Variants in AFDN observed in about 807,000 individuals in gnomAD.
The protein encoded by AFDN is afadin.
A neutral mutation model predicts 216.6 loss-of-function variants in AFDN; 68 were observed. The observed-to-expected ratio is 0.31, with a 90% CI of 0.26 to 0.38. The LOEUF (loss-of-function observed/expected upper bound fraction) is 0.38. AFDN is among the 10% of genes least tolerant of loss of function. The pLI is 1.00. For missense variants in AFDN, 2,136 were observed against 2,342.0 expected (o/e 0.91, Z 1.82); for synonymous variants, 868 against 853.7 (o/e 1.02, Z -0.29).
chr6:167,903,082 A>T (rs900137839), intron 12 of AFDN, among the ~76,000 whole-genome samples: 1 of 152,182 alleles, frequency 6.6e-6, no homozygotes, highest in African/African-American at 2.4e-5. Context: ...TCATCAGTTA[A>T]CTTCTCAGAC....
intron 1 of AFDN, among the ~76,000 whole-genome samples, chr6:167,863,397 A>G (rs1020256546): frequency 1.3e-5 from 2 of 152,206 alleles, no homozygotes; most frequent in African/African-American, 2.4e-5. Flanking sequence ...ATTGGGGAAA[A>G]TTAAAGAAAG....
intron 23 of AFDN, among the ~76,000 whole-genome samples, chr6:167,927,778 A>G (rs1281449762): frequency 6.6e-6 from 1 of 152,176 alleles, no homozygotes; most frequent in Non-Finnish European, 1.5e-5. Flanking sequence ...TCCTGCTCAC[A>G]GGCCATGTTT....
rs747111541 is a variant in AFDN, at chr6:167,969,875, C to T, written c.5436C>T (p.Ser1812=). The T allele has an allele frequency of 5.0e-6, 8 of 1,612,032 alleles. No homozygotes were observed. The highest frequency in any genetic ancestry group is 2.7e-5 in the African/African-American group (2 of 74,822). ...TTTTTTCACAAGGTCAAGATGTATC[C>T]AATAAAGTGAAAGCTTCTCGTAAAT... The part of the protein sequence containing the change: ...QRLFSQGQDV[S]NKVKASRKLT... The change falls in exon 34 of 34, where the codon TCC becomes TCT. Residue 1812 remains serine (S), a synonymous_variant. Transcript: ENST00000683244.
At chr6:167,834,466 T>TTG (rs2128098908) in intron 1 of AFDN, among the ~76,000 whole-genome samples, 1 of 144,830 alleles carries the variant, frequency 6.9e-6, no homozygotes, top group East Asian at 2.0e-4. Flanking sequence ...GGTTTTTTTT[T>TTG]TTTTTTTTTT....
In AFDN at chr6:167,883,396, A is replaced by G. The variant is rs147174844; in HGVS notation, c.897+2879A>G. On this transcript the variant is annotated intron_variant, in intron 6 of 33. Coordinates refer to ENST00000683244, the MANE Select transcript of AFDN (RefSeq NM_001386888.1). ...TTTTTGCAGTATTCTGTGCATAGCA[A>G]TAAAAAAGCAGACAACAAGCCCAGC... 3.3e-3 allele frequency among the ~76,000 whole-genome samples: 506 copies of G among 152,348 alleles called. 7 individuals are homozygous for G. Among genetic ancestry groups the G allele is most frequent in the African/African-American group, 0.011 (461 of 41,588 alleles).
chr6:167,968,873 C>T, intron 32 of AFDN: 1 of 462,398 alleles, frequency 2.2e-6, no homozygotes, highest in East Asian at 4.0e-5. Context: ...ATTCCTCCCT[C>T]ATAGTGAAGG....
chr6:167,915,626 A>T (rs1271437713), intron 19 of AFDN, among the ~76,000 whole-genome samples, 193 bp downstream of exon 19: 4 of 152,252 alleles, frequency 2.6e-5, no homozygotes, highest in African/African-American at 9.6e-5. Flanking sequence ...TTTTCACTGT[A>T]TTAATTGTAT....
At chr6:167,969,313 C>T in intron 33 of AFDN, 115 bp downstream of exon 33, 1 of 792,358 alleles carries the variant, frequency 1.3e-6, no homozygotes, top group Admixed American at 2.2e-5. Flanking sequence ...TGTGACCTCA[C>T]CTGGATTGTA....
At chr6:167,835,640 A>G (rs1420405304) in intron 1 of AFDN, among the ~76,000 whole-genome samples, 1 of 152,234 alleles carries the variant, frequency 6.6e-6, no homozygotes, top group Non-Finnish European at 1.5e-5. Context: ...TACGTTTTGT[A>G]TATAGTGCAT....
intron 30 of AFDN, among the ~76,000 whole-genome samples, chr6:167,956,463 A>G (rs140260347): frequency 1.4e-4 from 22 of 152,148 alleles, no homozygotes; most frequent in African/African-American, 5.3e-4. Flanking sequence ...TACCTTCTCC[A>G]TCCTCTGTGC....
intron 30 of AFDN, among the ~76,000 whole-genome samples, chr6:167,953,059 A>C (rs962091872): frequency 1.3e-5 from 2 of 152,228 alleles, no homozygotes; most frequent in African/African-American, 4.8e-5. Flanking sequence ...TAATTTGGGC[A>C]TTTATTAATA....
intron 13 of AFDN, 52 bp from the exon 14 acceptor site, chr6:167,911,049 T>C (rs1790316504): frequency 6.8e-7 from 1 of 1,460,334 alleles, no homozygotes; most frequent in Admixed American, 1.9e-5. Context: ...TTGTCAGTAA[T>C]ATTGTTAGCC....
intron 27 of AFDN, among the ~76,000 whole-genome samples, chr6:167,947,388 C>A (rs1333267147): frequency 6.6e-6 from 1 of 152,216 alleles, no homozygotes; most frequent in East Asian, 1.9e-4. Flanking sequence ...ACCATGTTAG[C>A]CAGGATGGTC....
At chr6:167,829,950 A>G (rs1425833095) in intron 1 of AFDN, among the ~76,000 whole-genome samples, 1 of 152,168 alleles carries the variant, frequency 6.6e-6, no homozygotes. Context: ...GCAGGCTATC[A>G]CTGGAGTATT....
intron 1 of AFDN, among the ~76,000 whole-genome samples, chr6:167,836,337 G>A (rs1442577288): frequency 2.0e-5 from 3 of 152,114 alleles, no homozygotes; most frequent in Non-Finnish European, 2.9e-5. Context: ...TTCAGTCTCC[G>A]TCTCCCAAAT....
Position 167,944,150 on chromosome 6 carries a change from A to C in AFDN, c.3358+91A>C, listed in dbSNP as rs1056784247. The C allele has an allele frequency of 3.1e-6, 3 of 968,038 alleles. No individual in the cohort carries two copies. In the Admixed American group the frequency reaches 6.1e-5, roughly 20 times the overall value. 60.0% of individuals were successfully genotyped at this position (968,038 alleles called of 1,614,324 possible). On this transcript the variant is annotated intron_variant, in intron 26 of 33. Coordinates refer to ENST00000683244, the MANE Select transcript of AFDN (RefSeq NM_001386888.1). ...CCATGGAGGAGGTACTGGTGTTACT[A>C]TCGCCCCAGTTTTAAAGAGAAAGAA...
At position 167,925,063 on chromosome 6, in the gene AFDN, G is replaced by T; in HGVS notation, c.3071G>T (p.Gly1024Val). 6.2e-7 allele frequency: 1 copy of T among 1,613,896 alleles called. No individual in the cohort carries two copies. Residue 1024 changes from glycine (G) to valine (V), a missense_variant, in exon 23 of 34, where the codon GGA (glycine) becomes GTA (valine). Gly to Val is a moderately radical substitution (Grantham distance 109). Coordinates refer to ENST00000683244, the MANE Select transcript of AFDN (RefSeq NM_001386888.1). ...IITVTLKKQN[G>V]MGLSIVAAKG... is the part of the protein sequence containing the mutation. ...ACTGTGACCCTAAAAAAGCAGAATG[G>T]AATGGGCCTTAGCATTGTTGCAGCA... is the stretch of plus-strand genomic sequence containing the variant.
intron 22 of AFDN, 132 bp downstream of exon 22, chr6:167,923,091 T>C (rs1009928578): frequency 3.4e-5 from 20 of 590,228 alleles, no homozygotes; most frequent in Non-Finnish European, 4.1e-5. Context: ...AATACTGATA[T>C]TCAGAAATTT....
chr6:167,945,671 G>A (rs1465922408), intron 26 of AFDN, among the ~76,000 whole-genome samples: 1 of 152,158 alleles, frequency 6.6e-6, no homozygotes, highest in African/African-American at 2.4e-5. Context: ...GGAGACCACT[G>A]TCACGGATGT....
Sources: gnomAD v4.1 joint callset for allele counts (sites outside exome capture counted in the v4.1 genomes callset) on GRCh38, gnomAD v4.1.1 for gene constraint, MANE v1.5 for transcripts, NCBI Gene and HGNC (gene_info 2026-07-23, HGNC 2026-07-21) for gene names.